Variants in PDE4D observed in about 807,000 individuals in gnomAD.
The protein encoded by PDE4D is 3',5'-cyclic-AMP phosphodiesterase 4D.
PDE4D carries 24 observed loss-of-function variants against 87.4 expected under a neutral mutation model. The ratio of observed to expected loss-of-function variants is 0.27; its 90% CI spans 0.20 to 0.39. The LOEUF is 0.39. PDE4D is among the 10% of genes least tolerant of loss of function. The pLI, the probability that PDE4D is intolerant of heterozygous loss-of-function variation, is 1.00. For missense variants in PDE4D, 714 were observed against 1,041.0 expected (o/e 0.69, Z 4.32); for synonymous variants, 384 against 383.2 (o/e 1.00, Z -0.02).
chr5:60,206,870 T>C (rs1274841164), intron 1 of PDE4D, among the ~76,000 whole-genome samples: 2 of 152,244 alleles, frequency 1.3e-5, no homozygotes, highest in Non-Finnish European at 2.9e-5. Flanking sequence ...CAATCTTGTT[T>C]AGAGAGCAAG....
intron 1 of PDE4D, among the ~76,000 whole-genome samples, chr5:60,233,939 C>A (rs576958931): frequency 6.6e-6 from 1 of 151,980 alleles, no homozygotes; most frequent in South Asian, 2.1e-4. Flanking sequence ...GCTATCTCAA[C>A]ATACATATTC....
At chr5:60,010,837 T>C (rs953288678) in intron 2 of PDE4D, among the ~76,000 whole-genome samples, 2 of 152,172 alleles carry the variant, frequency 1.3e-5, no homozygotes, top group African/African-American at 4.8e-5. Flanking sequence ...TAAACACTAG[T>C]AAAGCATTCA....
intron 1 of PDE4D, among the ~76,000 whole-genome samples, chr5:59,550,275 G>A (rs149981437): frequency 1.3e-5 from 2 of 151,702 alleles, no homozygotes; most frequent in Admixed American, 6.6e-5. Context: ...GCTAATTCCC[G>A]CTGCTGAATA....
rs1743240494 is a variant in PDE4D at position 58,974,605 on chromosome 5, G to GCACTTTGGAAACAATTTTT, written c.*40_*58dup. On this transcript the variant is annotated 3_prime_UTR_variant, in exon 15 of 15. Coordinates refer to ENST00000340635, the MANE Select transcript of PDE4D (RefSeq NM_001104631.2). ...TGACCGTGGTTGTGGCATGTGACAT[G>GCACTTTGGAAACAATTTTT]CACTTTGGAAACAATTTTTCTACTT... is the stretch of plus-strand genomic sequence containing the variant. 6.8e-7 allele frequency: 1 copy of GCACTTTGGAAACAATTTTT among 1,465,924 alleles called. No homozygotes were observed. Among genetic ancestry groups the GCACTTTGGAAACAATTTTT allele is most frequent in the Non-Finnish European group, 9.2e-7 (1 of 1,090,732 alleles). The allele number at this position is 1,465,924 out of a possible 1,614,324, so 90.8% of individuals were successfully genotyped here.
intron 2 of PDE4D, among the ~76,000 whole-genome samples, chr5:60,130,113 C>T (rs1368766409): frequency 6.6e-6 from 1 of 152,144 alleles, no homozygotes; most frequent in Non-Finnish European, 1.5e-5. Flanking sequence ...TCATCAGACA[C>T]CAAATTTGCT....
intron 2 of PDE4D, among the ~76,000 whole-genome samples, chr5:60,045,035 T>C (rs1179741594): frequency 3.3e-5 from 5 of 152,188 alleles, no homozygotes; most frequent in African/African-American, 1.2e-4. Flanking sequence ...TGTTGTTTCC[T>C]GACTTTTTAA....
intron 1 of PDE4D, among the ~76,000 whole-genome samples, chr5:60,299,962 G>A (rs1753747790): frequency 6.6e-6 from 1 of 152,122 alleles, no homozygotes; most frequent in Non-Finnish European, 1.5e-5. Flanking sequence ...CAAGGTCTTT[G>A]AGGAATCGCC....
chr5:59,189,638 C>T (rs928124397), intron 3 of PDE4D, among the ~76,000 whole-genome samples: 1 of 152,092 alleles, frequency 6.6e-6, no homozygotes, highest in Non-Finnish European at 1.5e-5. Context: ...CCTTAGTGCT[C>T]CTTGGCCCCC....
intron 5 of PDE4D, chr5:59,157,188 A>G (rs1780375447): frequency 1.6e-6 from 1 of 618,790 alleles, no homozygotes; most frequent in Non-Finnish European, 2.9e-6. Flanking sequence ...AAGGGTTAGA[A>G]TTTCCACCAG....
intron 1 of PDE4D, among the ~76,000 whole-genome samples, chr5:59,450,720 C>G (rs986168430): frequency 6.6e-6 from 1 of 152,192 alleles, no homozygotes; most frequent in Admixed American, 6.5e-5. Context: ...GGAACATTCT[C>G]CATGTCCAGC....
At chr5:60,169,302 A>C (rs1185415156) in intron 2 of PDE4D, among the ~76,000 whole-genome samples, 1 of 152,150 alleles carries the variant, frequency 6.6e-6, no homozygotes, top group Admixed American at 6.5e-5. Context: ...GGAAACATTA[A>C]AGAAAAAGAT....
chr5:59,601,936 G>A (rs1561301209), intron 1 of PDE4D, among the ~76,000 whole-genome samples: 1 of 151,898 alleles, frequency 6.6e-6, no homozygotes, highest in Non-Finnish European at 1.5e-5. Context: ...ATCTAGCATT[G>A]CCCTGATACC....
chr5:59,461,215 A>G (rs7737908), intron 1 of PDE4D, among the ~76,000 whole-genome samples: 16,610 of 152,208 alleles, frequency 0.11, 931 homozygotes, highest in Middle Eastern at 0.13. Context: ...CATGTTGTAA[A>G]TTACCATTTT....
At chr5:59,002,521 A>C (rs1044694497) in intron 6 of PDE4D, among the ~76,000 whole-genome samples, 2 of 152,142 alleles carry the variant, frequency 1.3e-5, no homozygotes, top group Admixed American at 1.3e-4. Flanking sequence ...CTGAGAGGCT[A>C]TGCTACAAGA....
At chr5:60,367,227 T>C (rs1760630964) in intron 1 of PDE4D, among the ~76,000 whole-genome samples, 1 of 152,060 alleles carries the variant, frequency 6.6e-6, no homozygotes, top group South Asian at 2.1e-4. Context: ...GGTGGGCAGA[T>C]CACCTGGAGT....
At chr5:60,479,417 C>T (rs1424179812) in intron 1 of PDE4D, among the ~76,000 whole-genome samples, 1 of 152,160 alleles carries the variant, frequency 6.6e-6, no homozygotes, top group Non-Finnish European at 1.5e-5. Context: ...CTACTGAGGG[C>T]TGTTTGTTCT....
intron 1 of PDE4D, among the ~76,000 whole-genome samples, chr5:59,583,292 G>T (rs967552486): frequency 6.6e-6 from 1 of 152,106 alleles, no homozygotes; most frequent in African/African-American, 2.4e-5. Context: ...GCTTCTAAAG[G>T]TCCTCTTAAC....
intron 1 of PDE4D, among the ~76,000 whole-genome samples, chr5:59,232,380 AC>A (rs1755408890): frequency 6.6e-6 from 1 of 152,158 alleles, no homozygotes. Flanking sequence ...GGACATGAAG[AC>A]ATTTCTCAAA....
chr5:59,201,779 G>A (rs1456332657), intron 2 of PDE4D, among the ~76,000 whole-genome samples: 1 of 152,036 alleles, frequency 6.6e-6, no homozygotes, highest in Non-Finnish European at 1.5e-5. Flanking sequence ...TGAAGCTATT[G>A]CCACTTAGAA....
Sources: allele counts gnomAD v4.1 joint callset (sites outside exome capture counted in the v4.1 genomes callset), GRCh38; gene constraint gnomAD v4.1.1; transcripts MANE v1.5; gene names NCBI Gene and HGNC (gene_info 2026-07-23, HGNC 2026-07-21).